Variants in NSG2 observed in about 807,000 individuals in gnomAD.
NSG2 encodes the protein neuronal vesicle trafficking-associated protein 2.
NSG2 carries 4 observed loss-of-function variants against 16.9 expected under a neutral mutation model. The observed-to-expected ratio is 0.24, with a 90% CI of 0.12 to 0.54. The LOEUF (loss-of-function observed/expected upper bound fraction) is 0.54, where lower values mean the gene tolerates loss of function less well. Ranked by LOEUF, NSG2 falls within the 20% of genes least tolerant of loss-of-function variation. The pLI, the probability that NSG2 is intolerant of heterozygous loss-of-function variation, is 0.95. For missense variants in NSG2, 179 were observed against 221.1 expected, an observed-to-expected ratio of 0.81 and a Z score of 1.21; for synonymous variants, 98 against 88.7, an observed-to-expected ratio of 1.11 and a Z score of -0.59.
At chr5:174,090,078 G>A (rs1760698055) in intron 3 of NSG2, among the ~76,000 whole-genome samples, 1 of 152,142 alleles carries the variant, frequency 6.6e-6, no homozygotes, top group Non-Finnish European at 1.5e-5. Flanking sequence ...GCCTTCTCCT[G>A]CCTTCACATT....
rs187695881 is a variant in NSG2, at chr5:174,076,915, C to A, written c.213+12600C>A. The stretch of plus-strand genomic sequence containing the variant: ...TTGCTCTAGGATTTACCAGCATGTT[C>A]GCTGGGTCTAAAACCAGAAATCAAA... On this transcript the variant is annotated intron_variant, in intron 3 of 4. Coordinates refer to ENST00000303177, the MANE Select transcript of NSG2 (RefSeq NM_015980.5). 1.2e-4 allele frequency among the ~76,000 whole-genome samples: 19 copies of A among 152,264 alleles called. No individual in the cohort carries two copies. In the East Asian group the frequency reaches 3.7e-3, roughly 29 times the overall value.
At chr5:174,098,929 T>G (rs1189172311) in intron 3 of NSG2, among the ~76,000 whole-genome samples, 1 of 152,100 alleles carries the variant, frequency 6.6e-6, no homozygotes, top group East Asian at 1.9e-4. Flanking sequence ...ATTCAAGAAG[T>G]GAAACCAAGG....
intron 3 of NSG2, among the ~76,000 whole-genome samples, chr5:174,092,258 C>T (rs1466516208): frequency 6.6e-6 from 1 of 152,212 alleles, no homozygotes; most frequent in East Asian, 1.9e-4. Context: ...GCTTTCAGCC[C>T]CACCATGCAA....
chr5:174,077,914 C>G (rs1305360951), intron 3 of NSG2, among the ~76,000 whole-genome samples: 1 of 152,142 alleles, frequency 6.6e-6, no homozygotes, highest in Admixed American at 6.5e-5. Flanking sequence ...TCTAACAGTA[C>G]AGAAAGGCAT....
intron 3 of NSG2, 174 bp downstream of exon 3, chr5:174,064,489 A>G (rs113565126): frequency 6.5e-6 from 3 of 462,830 alleles, no homozygotes; most frequent in South Asian, 5.5e-5. Context: ...AAATAACAAG[A>G]ACTCTGCCTC....
intron 3 of NSG2, among the ~76,000 whole-genome samples, chr5:174,102,185 G>A (rs1032418569): frequency 6.6e-6 from 1 of 152,122 alleles, no homozygotes; most frequent in African/African-American, 2.4e-5. Flanking sequence ...CTGCCCATGA[G>A]ATTTGGACAG....
intron 3 of NSG2, among the ~76,000 whole-genome samples, chr5:174,082,849 T>C (rs1314357104): frequency 6.6e-6 from 1 of 152,166 alleles, no homozygotes; most frequent in Non-Finnish European, 1.5e-5. Context: ...GCTTCCAAAA[T>C]CCACTCCTTC....
At chr5:174,067,234 T>G (rs1760157380) in intron 3 of NSG2, among the ~76,000 whole-genome samples, 1 of 152,244 alleles carries the variant, frequency 6.6e-6, no homozygotes, top group South Asian at 2.1e-4. Flanking sequence ...TTTGGTGATG[T>G]GGCTACTTTT....
intron 4 of NSG2, among the ~76,000 whole-genome samples, chr5:174,105,440 G>C (rs536601124): frequency 6.6e-6 from 1 of 152,158 alleles, no homozygotes; most frequent in Non-Finnish European, 1.5e-5. Context: ...AAAAGTCTTG[G>C]CTCCTAACAA....
intron 3 of NSG2, among the ~76,000 whole-genome samples, chr5:174,097,543 G>A (rs1486746496): frequency 6.7e-6 from 1 of 150,122 alleles, no homozygotes; most frequent in Non-Finnish European, 1.5e-5. Context: ...CTATATGTGT[G>A]TGTCTGTATG....
chr5:174,106,146 T>C (rs1760976002), intron 4 of NSG2, among the ~76,000 whole-genome samples: 1 of 152,050 alleles, frequency 6.6e-6, no homozygotes, highest in African/African-American at 2.4e-5. Context: ...GGAAAGAAAT[T>C]CAGGAAGGAT....
At position 174,104,323 on chromosome 5, in the gene NSG2, G is replaced by A; in HGVS notation, c.309G>A (p.Glu103=). The A allele has an allele frequency of 1.2e-6, 2 of 1,613,136 alleles. No homozygotes were observed. The highest frequency in any genetic ancestry group is 1.3e-5 in the African/African-American group (1 of 75,026). The part of the protein sequence containing the change: ...KAFTYDHSCP[E]GFVYKHKRCI... ...TCACCTATGATCACAGCTGCCCAGA[G>A]GGATTCGTCTATAAGGTAAGAGGTG... The change falls in exon 4 of 5, where the codon GAG becomes GAA. Residue 103 remains glutamate, a synonymous_variant. Transcript: ENST00000303177.
intron 2 of NSG2, among the ~76,000 whole-genome samples, chr5:174,061,158 T>TAC (rs1354820175): frequency 1.3e-5 from 2 of 152,134 alleles, no homozygotes; most frequent in Non-Finnish European, 2.9e-5. Context: ...CATATATACA[T>TAC]ACACACATGC....
At chr5:174,094,572 G>C (rs1760766053) in intron 3 of NSG2, among the ~76,000 whole-genome samples, 1 of 152,188 alleles carries the variant, frequency 6.6e-6, no homozygotes, top group Non-Finnish European at 1.5e-5. Context: ...TTACCTCAGA[G>C]AACTGCCTAA....
At chr5:174,051,113 C>A (rs1183491666) in intron 2 of NSG2, among the ~76,000 whole-genome samples, 1 of 152,172 alleles carries the variant, frequency 6.6e-6, no homozygotes, top group Non-Finnish European at 1.5e-5. Context: ...ATTCTCTCTC[C>A]CTGGGGGGCA....
intron 2 of NSG2, among the ~76,000 whole-genome samples, chr5:174,063,558 A>G (rs1273986028): frequency 8.7e-6 from 1 of 115,494 alleles, no homozygotes; most frequent in Non-Finnish European, 1.8e-5. Context: ...ATTTTATTTT[A>G]TTTTATTTTA....
intron 2 of NSG2, among the ~76,000 whole-genome samples, chr5:174,050,479 T>G (rs1759870008): frequency 1.3e-5 from 2 of 152,078 alleles, no homozygotes; most frequent in South Asian, 4.1e-4. Context: ...AGTGCACCCA[T>G]TTCACTCATG....
intron 3 of NSG2, among the ~76,000 whole-genome samples, chr5:174,104,007 C>A (rs77400651): frequency 0.044 from 6,627 of 151,876 alleles, 191 homozygotes; most frequent in South Asian, 0.12. Flanking sequence ...ACAAAAAAAA[C>A]CAAAACAAAA....
intron 2 of NSG2, among the ~76,000 whole-genome samples, chr5:174,048,667 T>C (rs890769761): frequency 6.6e-6 from 1 of 152,180 alleles, no homozygotes; most frequent in Non-Finnish European, 1.5e-5. Context: ...GCCTTCTACA[T>C]GCCTGCAGGT....
Sources: allele counts gnomAD v4.1 joint callset (sites outside exome capture counted in the v4.1 genomes callset), GRCh38; gene constraint gnomAD v4.1.1; transcripts MANE v1.5; gene names NCBI Gene and HGNC (gene_info 2026-07-23, HGNC 2026-07-21).